The following UGT1A10 variants were observed in gnomAD, a reference collection of about 807,000 sequenced individuals.
UGT1A10 encodes UDP glucuronosyltransferase family 1 member A10, also known as UDP-glucuronosyltransferase 1A10.
Under a neutral mutation model 45.8 loss-of-function variants are expected in UGT1A10, and 49 were observed. That is an observed-to-expected ratio of 1.07 (90% confidence interval 0.85 to 1.36). The LOEUF is 1.36. Ranked by LOEUF, UGT1A10 falls within the 40% of genes most tolerant of loss-of-function variation. UGT1A10 has a pLI of 0.00. For missense variants in UGT1A10, 745 were observed against 668.6 expected, an observed-to-expected ratio of 1.11 and a Z score of -1.26; for synonymous variants, 284 against 249.7, an observed-to-expected ratio of 1.14 and a Z score of -1.29.
At chr2:233,720,463 G>A (rs2076862046) in intron 1 of UGT1A10, among the ~76,000 whole-genome samples, 1 of 152,124 alleles carries the variant, frequency 6.6e-6, no homozygotes, top group African/African-American at 2.4e-5. Flanking sequence ...GCTGGGACCA[G>A]TGATGAATGG....
In UGT1A10 at chr2:233,682,392, C is replaced by A. The variant is rs750575288; in HGVS notation, c.855+45015C>A. Reference sequence around the variant, plus strand: ...GCAGTGTTTCTCGATCCTTTTGATGCCTGTGGCTTAATTGTTGCCAAATAT... The same window carrying A: ...GCAGTGTTTCTCGATCCTTTTGATGACTGTGGCTTAATTGTTGCCAAATAT... On this transcript the variant is annotated intron_variant, in intron 1 of 4. Coordinates refer to ENST00000344644, the MANE Select transcript of UGT1A10 (RefSeq NM_019075.4). 7 of 1,613,732 alleles carry A rather than the reference C, an allele frequency of 4.3e-6. No individual in the cohort carries two copies. The highest frequency in any genetic ancestry group is 2.7e-5 in the African/African-American group (2 of 74,862).
In UGT1A10 at chr2:233,768,702, G is replaced by A. The variant is rs573948432; in HGVS notation, c.1295+263G>A. On this transcript the variant is annotated intron_variant, in intron 4 of 4. Coordinates refer to ENST00000344644, the MANE Select transcript of UGT1A10 (RefSeq NM_019075.4). Reference sequence around the variant, plus strand: ...CCCACGTTCAAGCAGTTCTGCCTCAGCCTCCGTGTAGCTGGGATTACAGGT... The same window carrying A: ...CCCACGTTCAAGCAGTTCTGCCTCAACCTCCGTGTAGCTGGGATTACAGGT... 1.1e-4 allele frequency among the ~76,000 whole-genome samples: 17 copies of A among 148,464 alleles called. No homozygotes were observed. In the East Asian group the frequency reaches 3.4e-3, roughly 30 times the overall value.
intron 1 of UGT1A10, among the ~76,000 whole-genome samples, chr2:233,641,452 T>C (rs28969980): frequency 3.1e-4 from 47 of 152,366 alleles, no homozygotes; most frequent in East Asian, 3.1e-3. Flanking sequence ...TTATATCTTG[T>C]TGTACTGCCT....
At chr2:233,750,164 A>C (rs1331972474) in intron 1 of UGT1A10, among the ~76,000 whole-genome samples, 1 of 151,848 alleles carries the variant, frequency 6.6e-6, no homozygotes, top group Non-Finnish European at 1.5e-5. Context: ...AATGGTTTTG[A>C]CCAAAATGCT....
At chr2:233,737,569 A>C (rs1156653495) in intron 1 of UGT1A10, among the ~76,000 whole-genome samples, 3 of 152,164 alleles carry the variant, frequency 2.0e-5, no homozygotes, top group African/African-American at 7.2e-5. Context: ...TGCACCCACT[A>C]TCCAACCAGT....
At chr2:233,716,672 C>G (rs2076519227) in intron 1 of UGT1A10, among the ~76,000 whole-genome samples, 1 of 151,920 alleles carries the variant, frequency 6.6e-6, no homozygotes, top group Admixed American at 6.6e-5. Context: ...CTTTGTTTAC[C>G]CCAAGATATA....
chr2:233,636,968 C>G lies in UGT1A10; in HGVS notation c.446C>G (p.Pro149Arg), dbSNP rs370846593. ...TCTTTTGATGCAGTGTTTCTGGATC[C>G]TTTTGATACCTGTGGCTTAATTGTT... is the stretch of plus-strand genomic sequence containing the variant. ...ESSFDAVFLD[P>R]FDTCGLIVAK... The change falls in exon 1 of 5, where the codon CCT becomes CGT. Residue 149 changes from proline to arginine, a missense_variant. Physicochemically the swap from Pro to Arg is moderately radical, Grantham distance 103. Coordinates refer to ENST00000344644, the MANE Select transcript of UGT1A10 (RefSeq NM_019075.4). 1.9e-5 allele frequency: 31 copies of G among 1,614,034 alleles called. 1 individual carries two copies. The South Asian group carries it at 2.0e-4, about 10-fold the overall frequency.
At chr2:233,749,564 G>C (rs1694221021) in intron 1 of UGT1A10, among the ~76,000 whole-genome samples, 1 of 151,822 alleles carries the variant, frequency 6.6e-6, no homozygotes, top group South Asian at 2.1e-4. Flanking sequence ...GTATTCAATA[G>C]TGAGGCCACT....
At chr2:233,758,613 T>TGCATGC (rs1429486776) in intron 1 of UGT1A10, among the ~76,000 whole-genome samples, 2 of 152,164 alleles carry the variant, frequency 1.3e-5, no homozygotes, top group Non-Finnish European at 2.9e-5. Flanking sequence ...AGTGTGCATG[T>TGCATGC]GCATGCAAAG....
intron 1 of UGT1A10, among the ~76,000 whole-genome samples, chr2:233,683,567 A>G (rs1042590528): frequency 3.3e-5 from 5 of 152,178 alleles, no homozygotes; most frequent in Non-Finnish European, 7.4e-5. Context: ...TTTTGCTATT[A>G]CATCTTCCTA....
chr2:233,711,966 T>C (rs1367774321), intron 1 of UGT1A10, among the ~76,000 whole-genome samples: 8 of 152,232 alleles, frequency 5.3e-5, no homozygotes, highest in African/African-American at 1.7e-4. Context: ...ATTTTGAAAT[T>C]TGAACTAGAG....
chr2:233,765,343 C>G (rs189255390), intron 1 of UGT1A10, among the ~76,000 whole-genome samples: 22 of 152,252 alleles, frequency 1.4e-4, no homozygotes, highest in African/African-American at 5.3e-4. Flanking sequence ...ATAACAAAGT[C>G]ATGGAACCAA....
At chr2:233,660,745 T>C (rs1201718381) in intron 1 of UGT1A10, among the ~76,000 whole-genome samples, 9 of 152,152 alleles carry the variant, frequency 5.9e-5, no homozygotes, top group African/African-American at 1.9e-4. Context: ...TTGTGGCATT[T>C]TTTTTCTCTA....
At chr2:233,756,295 G>A (rs1165667347) in intron 1 of UGT1A10, 3 of 152,134 alleles carry the variant, frequency 2.0e-5, no homozygotes, top group East Asian at 3.8e-4. Flanking sequence ...CACAGTATTT[G>A]TATATAACCT....
intron 1 of UGT1A10, among the ~76,000 whole-genome samples, chr2:233,745,892 C>T (rs573273105): frequency 7.3e-5 from 11 of 150,844 alleles, no homozygotes; most frequent in East Asian, 2.0e-4. Context: ...GGTGGGGTGG[C>T]GTTTTTCAGG....
chr2:233,766,051 C>T (rs552293215), intron 1 of UGT1A10, among the ~76,000 whole-genome samples: 2 of 152,294 alleles, frequency 1.3e-5, no homozygotes, highest in African/African-American at 2.4e-5. Flanking sequence ...CTTGTGTTAA[C>T]CAGCTCAATT....
Position 233,760,677 on chromosome 2 carries a change from A to T in UGT1A10, c.856-6357A>T, listed in dbSNP as rs555950591. 1.9e-6 allele frequency: 3 copies of T among 1,614,148 alleles called. No individual in the cohort carries two copies. The African/African-American group carries it at 4.0e-5, about 22-fold the overall frequency. On this transcript the variant is annotated intron_variant, in intron 1 of 4. Transcript: ENST00000344644. ...TGCTTTTGTCTGGCTGTTCCCACTT[A>T]CTGCACAACAAGGAGCTCATGGCCT...
At chr2:233,688,337 A>G (rs2074888498) in intron 1 of UGT1A10, among the ~76,000 whole-genome samples, 1 of 152,112 alleles carries the variant, frequency 6.6e-6, no homozygotes, top group African/African-American at 2.4e-5. Context: ...GTTGTTTCCC[A>G]TTTTCAGCCA....
chr2:233,680,380 C>T (rs1457005127), intron 1 of UGT1A10, among the ~76,000 whole-genome samples: 1 of 152,172 alleles, frequency 6.6e-6, no homozygotes, highest in Non-Finnish European at 1.5e-5. Flanking sequence ...CTTTAGCTCC[C>T]TGCAATAGCA....
Sources: allele counts gnomAD v4.1 joint callset (sites outside exome capture counted in the v4.1 genomes callset), GRCh38; gene constraint gnomAD v4.1.1; transcripts MANE v1.5; gene names NCBI Gene and HGNC (gene_info 2026-07-23, HGNC 2026-07-21).